The following MMS22L variants were observed in gnomAD, a reference collection of about 807,000 sequenced individuals.
MMS22L encodes MMS22 like, DNA repair protein, also known as protein MMS22-like.
MMS22L carries 74 observed loss-of-function variants against 159.1 expected under a neutral mutation model. That is an observed-to-expected ratio of 0.47 (90% CI 0.39 to 0.56). MMS22L has a LOEUF of 0.56. MMS22L is among the 20% of genes least tolerant of loss of function. The pLI is 0.00. For missense variants in MMS22L, 1,351 were observed against 1,422.1 expected (o/e 0.95, Z 0.80); for synonymous variants, 517 against 506.9 (o/e 1.02, Z -0.27).
chr6:97,259,871 G>A (rs546240603), intron 9 of MMS22L: 4 of 152,032 alleles, frequency 2.6e-5, no homozygotes, highest in South Asian at 4.2e-4. Flanking sequence ...ATAAATAAAC[G>A]TATGCATATG....
intron 14 of MMS22L, among the ~76,000 whole-genome samples, chr6:97,192,630 G>A (rs1254306075): frequency 1.3e-5 from 2 of 152,274 alleles, no homozygotes; most frequent in South Asian, 4.1e-4. Context: ...AAAGATACAA[G>A]CTTTGGAGAC....
chr6:97,164,533 G>A (rs1802765634), intron 21 of MMS22L, among the ~76,000 whole-genome samples: 1 of 103,898 alleles, frequency 9.6e-6, no homozygotes, highest in Admixed American at 8.7e-5. Flanking sequence ...ACTGAGTTAA[G>A]ACTAAACTAA....
At chr6:97,199,894 T>C (rs1806959626) in intron 14 of MMS22L, among the ~76,000 whole-genome samples, 1 of 152,068 alleles carries the variant, frequency 6.6e-6, no homozygotes, top group Admixed American at 6.6e-5. Context: ...CTCCTTGAAA[T>C]TATGTGTAAA....
chr6:97,282,224 A>G (rs1307382575), intron 2 of MMS22L, 90 bp downstream of exon 2: 19 of 1,332,376 alleles, frequency 1.4e-5, no homozygotes, highest in Non-Finnish European at 2.0e-5. Context: ...GACTTGGTGA[A>G]CACCAAAGTT....
At chr6:97,161,424 G>T (rs1802422851) in intron 22 of MMS22L, among the ~76,000 whole-genome samples, 1 of 151,948 alleles carries the variant, frequency 6.6e-6, no homozygotes, top group Non-Finnish European at 1.5e-5. Flanking sequence ...GCTCCTTTGA[G>T]GTCAGTGCTT....
rs1208304249 is a variant in MMS22L, at chr6:97,147,985, TAAAC to T, written c.3651-1102_3651-1099del. 3.3e-5 allele frequency among the ~76,000 whole-genome samples: 5 copies of T among 152,350 alleles called. No individual in the cohort carries two copies. The East Asian group carries it at 7.7e-4, about 24-fold the overall frequency. On this transcript the variant is annotated intron_variant, in intron 24 of 24. Coordinates refer to ENST00000683635, the MANE Select transcript of MMS22L (RefSeq NM_001350599.2). ...TCATTAGAGTGTGTATTTGTACAGA[TAAAC>T]AGACACACATGCATATGATTATAGT...
intron 23 of MMS22L, 66 bp downstream of exon 23, chr6:97,151,705 A>T: frequency 8.0e-7 from 1 of 1,244,458 alleles, no homozygotes; most frequent in East Asian, 2.3e-5. Flanking sequence ...TAGTTATTTA[A>T]AAAACATGTT....
intron 14 of MMS22L, among the ~76,000 whole-genome samples, chr6:97,214,957 T>C (rs1262334120): frequency 6.6e-6 from 1 of 151,166 alleles, no homozygotes; most frequent in Non-Finnish European, 1.5e-5. Flanking sequence ...AAGAATACTA[T>C]TCCAGGAAGG....
At chr6:97,205,487 T>G (rs1227302667) in intron 14 of MMS22L, among the ~76,000 whole-genome samples, 1 of 152,162 alleles carries the variant, frequency 6.6e-6, no homozygotes, top group Non-Finnish European at 1.5e-5. Context: ...ATTTTTCAGA[T>G]GACGCGACAA....
At chr6:97,252,281 C>T (rs1294954835) in intron 10 of MMS22L, among the ~76,000 whole-genome samples, 2 of 151,932 alleles carry the variant, frequency 1.3e-5, no homozygotes, top group Non-Finnish European at 2.9e-5. Context: ...AGTGTTAATA[C>T]AGTTCCAACA....
Position 97,150,004 on chromosome 6 carries a change from A to G in MMS22L, c.3499T>C (p.Tyr1167His). ...TSVFRQFIQD[Y>H]GMRYYYQVYS... ...ACCTGGTAATAGTACCTCATACCATAATCCTGGATAAACTGCCTGAAAGTA... is the reference window on the plus strand; with the variant it reads ...ACCTGGTAATAGTACCTCATACCATGATCCTGGATAAACTGCCTGAAAGTA... The change falls in exon 24 of 25, where the codon TAT (tyrosine) becomes CAT (histidine). Residue 1167 changes from tyrosine to histidine, a missense_variant. Tyr to His is a moderately conservative substitution (Grantham distance 83). Coordinates refer to ENST00000683635, the MANE Select transcript of MMS22L (RefSeq NM_001350599.2). 6.2e-7 allele frequency: 1 copy of G among 1,613,240 alleles called. No homozygotes were observed. The highest frequency in any genetic ancestry group is 8.5e-7 in the Non-Finnish European group (1 of 1,179,546).
chr6:97,218,433 C>T (rs1049501284), intron 14 of MMS22L, among the ~76,000 whole-genome samples: 1 of 152,214 alleles, frequency 6.6e-6, no homozygotes, highest in South Asian at 2.1e-4. Context: ...TAAATAAATA[C>T]AAGTTTCTTT....
chr6:97,233,775 T>G, intron 12 of MMS22L, 86 bp downstream of exon 12: 1 of 1,394,378 alleles, frequency 7.2e-7, no homozygotes. Context: ...AATCCATAAC[T>G]ATTCATAATT....
At chr6:97,279,026 T>C (rs375784947) in intron 3 of MMS22L, 128 bp from the exon 4 acceptor site, 10 of 647,110 alleles carry the variant, frequency 1.5e-5, no homozygotes, top group African/African-American at 7.4e-5. Context: ...GATTAATACC[T>C]TGTGAATGTT....
intron 14 of MMS22L, among the ~76,000 whole-genome samples, chr6:97,198,311 A>G (rs1420140422): frequency 6.6e-6 from 1 of 152,172 alleles, no homozygotes; most frequent in Non-Finnish European, 1.5e-5. Flanking sequence ...CTCCAGCTTC[A>G]GCTGTTCTAG....
At chr6:97,218,102 T>C (rs1167124207) in intron 14 of MMS22L, among the ~76,000 whole-genome samples, 1 of 152,098 alleles carries the variant, frequency 6.6e-6, no homozygotes, top group Non-Finnish European at 1.5e-5. Flanking sequence ...AACTAGTGAA[T>C]TAGAAAGATA....
At chr6:97,243,819 T>C (rs183688775) in intron 11 of MMS22L, among the ~76,000 whole-genome samples, 2 of 152,174 alleles carry the variant, frequency 1.3e-5, no homozygotes, top group African/African-American at 2.4e-5. Flanking sequence ...ACTGCAGTGA[T>C]TGTTATTGCT....
chr6:97,172,455 A>AT, intron 19 of MMS22L, among the ~76,000 whole-genome samples: 1 of 152,228 alleles, frequency 6.6e-6, no homozygotes, highest in Admixed American at 6.5e-5. Context: ...AATCTTTCTC[A>AT]TTTACCTTTA....
intron 10 of MMS22L, chr6:97,253,905 CAAT>C (rs1261967425): frequency 6.6e-6 from 1 of 152,074 alleles, no homozygotes; most frequent in African/African-American, 2.4e-5. Flanking sequence ...TAGGCTGATA[CAAT>C]AATACAATAC....
Sources: allele counts gnomAD v4.1 joint callset (sites outside exome capture counted in the v4.1 genomes callset), GRCh38; gene constraint gnomAD v4.1.1; transcripts MANE v1.5; gene names NCBI Gene and HGNC (gene_info 2026-07-23, HGNC 2026-07-21).